Variants in TRIP12 observed in about 807,000 individuals in gnomAD.
TRIP12 encodes the protein E3 ubiquitin-protein ligase TRIP12.
In TRIP12, 25 loss-of-function variants were observed where a neutral mutation model predicts 244.2. The ratio of observed to expected loss-of-function variants is 0.10; its 90% confidence interval spans 0.07 to 0.14. The LOEUF (loss-of-function observed/expected upper bound fraction) is 0.14, where lower values mean the gene tolerates loss of function less well. Ranked by LOEUF, TRIP12 falls within the 10% of genes least tolerant of loss-of-function variation. The pLI is 1.00. For synonymous variants in TRIP12, 905 were observed against 873.1 expected (o/e 1.04, Z -0.64); for missense variants, 1,677 against 2,486.4 (o/e 0.67, Z 6.92).
intron 4 of TRIP12, among the ~76,000 whole-genome samples, chr2:229,841,604 C>A (rs1417479327): frequency 1.3e-5 from 2 of 152,122 alleles, no homozygotes; most frequent in African/African-American, 4.8e-5. Flanking sequence ...CAGCATCCAC[C>A]CTTGCCCAAC....
At chr2:229,876,801 A>G (rs745435586) in intron 2 of TRIP12, among the ~76,000 whole-genome samples, 1 of 152,076 alleles carries the variant, frequency 6.6e-6, no homozygotes, top group Non-Finnish European at 1.5e-5. Context: ...GTAGCTAGAA[A>G]TATCAGTGTG....
chr2:229,847,205 T>C (rs1016350123), intron 4 of TRIP12, among the ~76,000 whole-genome samples: 5 of 152,220 alleles, frequency 3.3e-5, no homozygotes, highest in Admixed American at 6.5e-5. Flanking sequence ...TTTATAGTTA[T>C]TTGAAAGGAA....
intron 4 of TRIP12, among the ~76,000 whole-genome samples, chr2:229,844,819 T>C (rs757713824): frequency 6.6e-6 from 1 of 152,224 alleles, no homozygotes; most frequent in Non-Finnish European, 1.5e-5. Flanking sequence ...CTTTAGATGA[T>C]CAAGTACACA....
At chr2:229,828,723 C>T (rs971470017) in intron 8 of TRIP12, among the ~76,000 whole-genome samples, 3 of 151,948 alleles carry the variant, frequency 2.0e-5, no homozygotes, top group Admixed American at 6.6e-5. Flanking sequence ...GCTGAGATCA[C>T]GCCACTGCAC....
chr2:229,870,412 A>T (rs948637146), intron 2 of TRIP12, among the ~76,000 whole-genome samples: 1 of 152,234 alleles, frequency 6.6e-6, no homozygotes, highest in African/African-American at 2.4e-5. Context: ...GCAGTAACGT[A>T]AGGACAGATG....
At chr2:229,858,668 C>T in intron 4 of TRIP12, 104 bp downstream of exon 4, 1 of 989,948 alleles carries the variant, frequency 1.0e-6, no homozygotes, top group East Asian at 2.6e-5. Context: ...CTAAGATTAT[C>T]TAAGACTGGG....
In TRIP12 at chr2:229,859,631, T is replaced by C. The variant is rs796092150; in HGVS notation, c.225-57A>G. The stretch of plus-strand genomic sequence containing the variant: ...CAGCCTGTCATAATTACAACTGTCA[T>C]ATATAATGCTTTCAAAAAATAAAGT... On this transcript the variant is annotated intron_variant, in intron 3 of 41. Transcript: ENST00000675903. The C allele has an allele frequency of 6.0e-6, 9 of 1,511,210 alleles. No homozygotes were observed. In the African/African-American group the frequency reaches 8.4e-5, roughly 14 times the overall value. 93.6% of individuals were successfully genotyped at this position (1,511,210 alleles called of 1,614,324 possible).
At position 229,767,709 on chromosome 2, in the gene TRIP12, T is replaced by C; in HGVS notation, c.6049A>G (p.Thr2017Ala). The part of the protein sequence containing the change: ...LNPPLTIVRK[T>A]FESTENPDDF... The stretch of plus-strand genomic sequence containing the variant: ...TCTGGGTTTTCTGTTGATTCAAACG[T>C]CTTTCGGACAATTGTCAAAGGTGGA... The change falls in exon 42 of 42, where the codon ACG becomes GCG. Residue 2017 changes from threonine (T) to alanine (A), a missense_variant. Physicochemically the swap from Thr to Ala is moderately conservative, Grantham distance 58 (BLOSUM62 0). This residue lies in a region of TRIP12 where 171 missense variants were observed against 388.4 expected (regional missense o/e 0.44). Transcript: ENST00000675903. 6 of 1,613,750 alleles carry C rather than the reference T, an allele frequency of 3.7e-6. No homozygotes were observed. Among genetic ancestry groups the C allele is most frequent in the Non-Finnish European group, 5.1e-6 (6 of 1,179,924 alleles).
At chr2:229,768,548 A>C (rs2032821375) in intron 41 of TRIP12, 68 bp downstream of exon 41, 1 of 1,393,228 alleles carries the variant, frequency 7.2e-7, no homozygotes, top group African/African-American at 1.5e-5. Flanking sequence ...TGCTGATGGT[A>C]CTGAAGTTTC....
chr2:229,778,358 A>C lies in TRIP12; in HGVS notation c.5364+75T>G. ...AGCATTGCTCTAAACTATAGCAGTA[A>C]ACTACAGGGGACTGAGGTACTTGCA... On this transcript the variant is annotated intron_variant, in intron 36 of 41. Transcript: ENST00000675903. The surrounding 1 kb of genome is among the most constrained non-coding windows in gnomAD (Gnocchi z 4.1). The C allele has an allele frequency of 1.9e-6, 3 of 1,550,922 alleles. No homozygotes were observed. Among genetic ancestry groups the C allele is most frequent in the African/African-American group, 1.4e-5 (1 of 73,122 alleles).
chr2:229,798,810 C>T (rs2043460481), intron 23 of TRIP12, 65 bp downstream of exon 23: 7 of 1,557,110 alleles, frequency 4.5e-6, no homozygotes, highest in Non-Finnish European at 4.4e-6. Context: ...AACGTACTGG[C>T]TGAAATAATG....
chr2:229,888,213 A>G lies in TRIP12; in HGVS notation c.-49-8085T>C, dbSNP rs374174633. ...AGAGTACATTTAGTGTTAATCATATAAAACCTGACTCATCATGTAGGTATC... is the reference window on the plus strand; with the variant it reads ...AGAGTACATTTAGTGTTAATCATATGAAACCTGACTCATCATGTAGGTATC... On this transcript the variant is annotated intron_variant, in intron 1 of 41. Transcript: ENST00000675903. 2.6e-5 allele frequency among the ~76,000 whole-genome samples: 4 copies of G among 152,340 alleles called. No individual in the cohort carries two copies. The East Asian group carries it at 7.7e-4, about 29-fold the overall frequency.
At chr2:229,788,973 T>A (rs765438454) in intron 31 of TRIP12, 33 bp from the exon 32 acceptor site, 2 of 1,545,180 alleles carry the variant, frequency 1.3e-6, no homozygotes, top group East Asian at 4.5e-5. Context: ...AAAGTCTACA[T>A]GTAGTAAAAT....
intron 26 of TRIP12, 38 bp from the exon 27 acceptor site, chr2:229,793,183 T>A: frequency 6.3e-7 from 1 of 1,587,296 alleles, no homozygotes. Context: ...AGTCTATTAT[T>A]TTCACATTTA....
At chr2:229,829,454 T>C (rs115378695) in intron 7 of TRIP12, among the ~76,000 whole-genome samples, 166 bp from the exon 8 acceptor site, 1,707 of 152,334 alleles carry the variant, frequency 0.011, 16 homozygotes, top group Non-Finnish European at 0.013. Context: ...CACCCTAATA[T>C]ATTAAATCAG....
intron 6 of TRIP12, among the ~76,000 whole-genome samples, chr2:229,831,966 T>C (rs2053555042): frequency 6.6e-6 from 1 of 150,444 alleles, no homozygotes; most frequent in South Asian, 2.1e-4. Context: ...ACTGCACAGA[T>C]TGTGACAGAA....
intron 2 of TRIP12, among the ~76,000 whole-genome samples, chr2:229,867,493 A>G (rs1377579473): frequency 6.6e-6 from 1 of 152,084 alleles, no homozygotes; most frequent in Admixed American, 6.6e-5. Context: ...CTTTAGAGAT[A>G]GTATATGAGA....
rs59111229 is a variant in TRIP12 at position 229,824,296 on chromosome 2, T to C, written c.1450+4897A>G. On this transcript the variant is annotated intron_variant, in intron 8 of 41. Coordinates refer to ENST00000675903, the MANE Select transcript of TRIP12 (RefSeq NM_001348323.3). ...ATATTAGAGAAACAATGAATTTTGG[T>C]AAAAATTCAAAAGCTTGATACCATA... 4.4e-3 allele frequency among the ~76,000 whole-genome samples: 677 copies of C among 152,206 alleles called. 6 individuals carry two copies. Among genetic ancestry groups the C allele is most frequent in the African/African-American group, 0.016 (655 of 41,540 alleles).
intron 32 of TRIP12, 120 bp downstream of exon 32, chr2:229,788,678 A>C (rs778894670): frequency 2.3e-5 from 31 of 1,330,368 alleles, no homozygotes; most frequent in Admixed American, 6.8e-5. Flanking sequence ...GCAAGTTGTG[A>C]TCAACAGTAT....
Sources: allele counts gnomAD v4.1 joint callset (sites outside exome capture counted in the v4.1 genomes callset), GRCh38; gene constraint gnomAD v4.1.1; regional missense constraint gnomAD v4.1.1; non-coding constraint Gnocchi (gnomAD v3.1); transcripts MANE v1.5; gene names NCBI Gene and HGNC (gene_info 2026-07-23, HGNC 2026-07-21).